SRGAP2C: variants seen among roughly 807,000 people sequenced by gnomAD.
SRGAP2C encodes SLIT-ROBO Rho GTPase-activating protein 2C.
Under a neutral mutation model 25.1 loss-of-function variants are expected in SRGAP2C, and 15 were observed. The observed-to-expected ratio is 0.60, with a 90% CI of 0.40 to 0.92. The LOEUF (loss-of-function observed/expected upper bound fraction) is 0.92. Among genes scored for constraint, SRGAP2C ranks in the 40% least tolerant of loss-of-function variants. The probability of loss-of-function intolerance (pLI) is 0.00; values close to 1 mark genes in which losing one functional copy is unlikely to be tolerated. For missense variants in SRGAP2C, 144 were observed against 264.4 expected, an observed-to-expected ratio of 0.54 and a Z score of 3.16; for synonymous variants, 44 against 96.6, an observed-to-expected ratio of 0.46 and a Z score of 3.19.
intron 4 of SRGAP2C, among the ~76,000 whole-genome samples, chr1:121,337,743 T>C (rs1392202824): frequency 5.7e-5 from 8 of 139,718 alleles, no homozygotes; most frequent in Non-Finnish European, 1.1e-4. Context: ...TGTAAAAACG[T>C]ATTAGTCTTG....
intron 4 of SRGAP2C, among the ~76,000 whole-genome samples, chr1:121,357,580 T>C (rs1274199364): frequency 6.7e-6 from 1 of 148,998 alleles, no homozygotes; most frequent in African/African-American, 2.5e-5. Flanking sequence ...TCTTACAGAG[T>C]CATTTAGTTC....
chr1:121,329,927 T>A (rs1204537098), intron 4 of SRGAP2C, among the ~76,000 whole-genome samples: 1 of 151,774 alleles, frequency 6.6e-6, no homozygotes, highest in African/African-American at 2.4e-5. Context: ...TCAGTCTGTC[T>A]AACCTCTGTT....
intron 2 of SRGAP2C, among the ~76,000 whole-genome samples, chr1:121,266,167 G>T (rs1471602289): frequency 6.6e-6 from 1 of 150,634 alleles, no homozygotes; most frequent in African/African-American, 2.4e-5. Context: ...TAGAGATGGG[G>T]TTTCGCCATG....
chr1:121,285,296 A>G (rs1318089412), intron 3 of SRGAP2C, among the ~76,000 whole-genome samples: 2 of 150,518 alleles, frequency 1.3e-5, no homozygotes, highest in African/African-American at 2.4e-5. Flanking sequence ...CAACAACTCC[A>G]TATGATGGTT....
intron 4 of SRGAP2C, among the ~76,000 whole-genome samples, chr1:121,329,330 A>G (rs1438149915): frequency 2.0e-5 from 3 of 151,724 alleles, no homozygotes; most frequent in African/African-American, 7.3e-5. Flanking sequence ...TTCTCTAAGT[A>G]TGTTGTACAG....
intron 3 of SRGAP2C, among the ~76,000 whole-genome samples, chr1:121,297,918 T>G (rs1657629664): frequency 1.4e-5 from 2 of 144,914 alleles, no homozygotes; most frequent in Non-Finnish European, 3.0e-5. Context: ...ATCCCTATCC[T>G]CAGGATTTGG....
At chr1:121,195,270 C>T (rs587677696) in intron 2 of SRGAP2C, among the ~76,000 whole-genome samples, 6 of 151,998 alleles carry the variant, frequency 3.9e-5, no homozygotes, top group South Asian at 2.1e-4. Context: ...ATTAGTTGGG[C>T]GTGGTGGTGG....
intron 4 of SRGAP2C, among the ~76,000 whole-genome samples, chr1:121,337,568 G>T (rs1658544929): frequency 6.6e-6 from 1 of 151,858 alleles, no homozygotes; most frequent in Non-Finnish European, 1.5e-5. Flanking sequence ...GGAGGCAGAG[G>T]TTGCAGTGAG....
rs782137964 is a variant in SRGAP2C, at chr1:121,374,955, G to C, written c.831+1G>C. On this transcript the variant is annotated splice_donor_variant, in intron 7 of 9. Transcript: ENST00000367123. LOFTEE classifies it high-confidence loss of function. ...CCATGACCTATCTGACCTTATTGAT[G>C]TAAGTGCTTAAAGCCAAGGGCCTGA... 11 of 777,114 alleles carry C rather than the reference G, an allele frequency of 1.4e-5. No homozygotes were observed. The East Asian group carries it at 2.4e-4, about 17-fold the overall frequency. 48.1% of individuals were successfully genotyped at this position (777,114 alleles called of 1,614,324 possible). A position where few individuals can be genotyped will look rare whatever the true frequency, so the allele number is the denominator to read the frequency against.
chr1:121,263,346 A>C (rs1341235054), intron 2 of SRGAP2C, among the ~76,000 whole-genome samples: 5 of 146,620 alleles, frequency 3.4e-5, no homozygotes, highest in African/African-American at 1.3e-4. Context: ...AACAAAAAAA[A>C]CTTGAACCCG....
At chr1:121,223,133 G>A (rs1232486188) in intron 2 of SRGAP2C, among the ~76,000 whole-genome samples, 15 of 150,188 alleles carry the variant, frequency 1.0e-4, no homozygotes, top group Non-Finnish European at 2.1e-4. Context: ...TTTCATATTA[G>A]GGAGAGCTCT....
rs180733887 is a variant in SRGAP2C at position 121,219,032 on chromosome 1, G to A, written c.67+31519G>A. The stretch of plus-strand genomic sequence containing the variant: ...CAGGAGGAATTTTTTTTAGCAACTT[G>A]CCTTCAAATTTCTTCCAAGCATTCA... On this transcript the variant is annotated intron_variant, in intron 2 of 9. Transcript: ENST00000367123. 5.8e-4 allele frequency among the ~76,000 whole-genome samples: 88 copies of A among 152,216 alleles called. No individual in the cohort carries two copies. The South Asian group carries it at 0.01, about 18-fold the overall frequency.
At chr1:121,338,323 A>G (rs1658566356) in intron 4 of SRGAP2C, among the ~76,000 whole-genome samples, 1 of 142,622 alleles carries the variant, frequency 7.0e-6, no homozygotes, top group South Asian at 2.3e-4. Context: ...TGACTCCCCT[A>G]TTTATCTTTG....
At chr1:121,312,247 A>T (rs1657979134) in intron 3 of SRGAP2C, among the ~76,000 whole-genome samples, 1 of 33,672 alleles carries the variant, frequency 3.0e-5, no homozygotes, top group African/African-American at 1.1e-4. Context: ...GGTAGTTTGT[A>T]TTTCTGTGGG....
chr1:121,207,593 C>G (rs1655146758), intron 2 of SRGAP2C, among the ~76,000 whole-genome samples: 2 of 152,164 alleles, frequency 1.3e-5, no homozygotes, highest in African/African-American at 4.8e-5. Flanking sequence ...ATTTGAATAA[C>G]TTTGGAATGG....
In SRGAP2C at chr1:121,336,797, A is replaced by G; in HGVS notation, c.423+12157A>G. ...CTTTGACAACTAGTTTGTCCAAGCCAGTATCTAATGCACACAGTTTTATGT... is the reference window on the plus strand; with the variant it reads ...CTTTGACAACTAGTTTGTCCAAGCCGGTATCTAATGCACACAGTTTTATGT... On this transcript the variant is annotated intron_variant, in intron 4 of 9. Transcript: ENST00000367123. Among the ~76,000 whole-genome samples the G allele has an allele frequency of 3.2e-5, 2 of 62,292 alleles. 1 individual carries two copies. The highest frequency in any genetic ancestry group is 3.9e-4 in the Admixed American group (2 of 5,144). The allele number at this position is 62,292 out of a possible 152,430, so 40.9% of individuals were successfully genotyped here. A position where few individuals can be genotyped will look rare whatever the true frequency, so the allele number is the denominator to read the frequency against.
rs199859907 is a variant in SRGAP2C at position 121,378,942 on chromosome 1, G to A, written c.832-3759G>A. Among the ~76,000 whole-genome samples the A allele has an allele frequency of 5.0e-3, 754 of 152,262 alleles. 22 individuals are homozygous for A. The East Asian group carries it at 0.092, about 19-fold the overall frequency. ...AACCTTGACTTCAGGCCAAAAAGAC[G>A]TTCTGAGCTCATTTGATGGCATCTA... On this transcript the variant is annotated intron_variant, in intron 7 of 9. Coordinates refer to ENST00000367123, the MANE Select transcript of SRGAP2C (RefSeq NM_001329984.2).
intron 3 of SRGAP2C, among the ~76,000 whole-genome samples, chr1:121,322,825 T>G (rs1658239812): frequency 1.3e-5 from 2 of 151,954 alleles, no homozygotes; most frequent in Non-Finnish European, 2.9e-5. Context: ...AAATCACAAG[T>G]GCCTGGCCTT....
rs1181025618 is a variant in SRGAP2C, at chr1:121,249,546, CTATATA to C, written c.68-35227_68-35222del. On this transcript the variant is annotated intron_variant, in intron 2 of 9. Coordinates refer to ENST00000367123, the MANE Select transcript of SRGAP2C (RefSeq NM_001329984.2). ...CAAAAGGGCTTATGATGAACATGGA[CTATATA>C]TATATATATATATATATATATATAT... is the stretch of plus-strand genomic sequence containing the variant. 6.8e-3 allele frequency among the ~76,000 whole-genome samples: 273 copies of C among 40,078 alleles called. 1 individual carries two copies. Among genetic ancestry groups the C allele is most frequent in the African/African-American group, 0.029 (246 of 8,400 alleles). The allele number at this position is 40,078 out of a possible 152,430, so 26.3% of individuals were successfully genotyped here. A position where few individuals can be genotyped will look rare whatever the true frequency, so the allele number is the denominator to read the frequency against.
Sources: gnomAD v4.1 joint callset for allele counts (sites outside exome capture counted in the v4.1 genomes callset) on GRCh38, gnomAD v4.1.1 for gene constraint, MANE v1.5 for transcripts, NCBI Gene and HGNC (gene_info 2026-07-23, HGNC 2026-07-21) for gene names.